MUSK: variants seen among roughly 807,000 people sequenced by gnomAD.
MUSK encodes the protein muscle, skeletal receptor tyrosine-protein kinase.
A neutral mutation model predicts 88.7 loss-of-function variants in MUSK; 55 were observed. The observed-to-expected ratio is 0.62, with a 90% CI of 0.50 to 0.78. The LOEUF (loss-of-function observed/expected upper bound fraction) is 0.78, where lower values mean the gene tolerates loss of function less well. Ranked by LOEUF, MUSK falls within the 30% of genes least tolerant of loss-of-function variation. The pLI is 0.00. For missense variants in MUSK, 1,015 were observed against 1,074.3 expected, an observed-to-expected ratio of 0.94 and a Z score of 0.77; for synonymous variants, 387 against 391.9, an observed-to-expected ratio of 0.99 and a Z score of 0.15.
At chr9:110,702,999 A>T (rs2076551761) in intron 5 of MUSK, among the ~76,000 whole-genome samples, 1 of 152,194 alleles carries the variant, frequency 6.6e-6, no homozygotes, top group Admixed American at 6.6e-5. Context: ...AAAATTTAAC[A>T]AGAAAAAAAA....
intron 5 of MUSK, among the ~76,000 whole-genome samples, chr9:110,702,598 T>C (rs1334654234): frequency 6.6e-6 from 1 of 152,096 alleles, no homozygotes; most frequent in Admixed American, 6.6e-5. Context: ...AATTCTCAGC[T>C]GGAAAAATGA....
intron 11 of MUSK, among the ~76,000 whole-genome samples, chr9:110,784,545 A>G (rs1045321945): frequency 4.0e-5 from 6 of 151,514 alleles, no homozygotes; most frequent in Admixed American, 3.9e-4. Context: ...AATATGATTC[A>G]GTATAAATGG....
intron 5 of MUSK, among the ~76,000 whole-genome samples, chr9:110,732,273 C>G (rs2076975438): frequency 1.3e-5 from 2 of 151,992 alleles, no homozygotes; most frequent in African/African-American, 4.8e-5. Context: ...GAAACACAAG[C>G]ATAGCCCCAA....
intron 3 of MUSK, among the ~76,000 whole-genome samples, chr9:110,689,872 A>AT (rs1342188684): frequency 2.3e-4 from 20 of 88,528 alleles, no homozygotes; most frequent in African/African-American, 9.6e-4. Context: ...ATTTAAATAT[A>AT]AATATATATT....
At position 110,801,025 on chromosome 9, in the gene MUSK, C is replaced by T. The variant is rs772203850; in HGVS notation, c.*37C>T. 1 of 1,470,840 alleles carries T rather than the reference C, an allele frequency of 6.8e-7. No homozygotes were observed. Among genetic ancestry groups the T allele is most frequent in the Non-Finnish European group, 9.0e-7 (1 of 1,114,604 alleles). The allele number at this position is 1,470,840 out of a possible 1,614,324, so 91.1% of individuals were successfully genotyped here. ...TTCAAATAAAATGCTGCAGTTTCCT[C>T]TCAGACTCTGTGAGCCAGGGGAATC... On this transcript the variant is annotated 3_prime_UTR_variant, in exon 15 of 15. Coordinates refer to ENST00000374448, the MANE Select transcript of MUSK (RefSeq NM_005592.4).
At chr9:110,776,966 AT>A (rs1230256549) in intron 11 of MUSK, among the ~76,000 whole-genome samples, 1 of 152,090 alleles carries the variant, frequency 6.6e-6, no homozygotes, top group Non-Finnish European at 1.5e-5. Context: ...TCACCTTTTG[AT>A]TTTATATTCT....
chr9:110,729,842 T>C (rs1016799386), intron 5 of MUSK, among the ~76,000 whole-genome samples: 10 of 152,030 alleles, frequency 6.6e-5, no homozygotes, highest in African/African-American at 2.4e-4. Context: ...AGGTAGTTCA[T>C]CTCCAGCCAA....
rs1345419024 is a variant in MUSK at position 110,803,243 on chromosome 9, A to G, written c.*2255A>G. 6.6e-6 allele frequency among the ~76,000 whole-genome samples: 1 copy of G among 152,228 alleles called. No homozygotes were observed. The highest frequency in any genetic ancestry group is 2.4e-5 in the African/African-American group (1 of 41,464). On this transcript the variant is annotated 3_prime_UTR_variant, in exon 15 of 15. Transcript: ENST00000374448. ...TGTGTATTCTGAGGCCTTTAAATATATGAACTTAAACCTCACAACATCCCT... is the reference window on the plus strand; with the variant it reads ...TGTGTATTCTGAGGCCTTTAAATATGTGAACTTAAACCTCACAACATCCCT...
chr9:110,708,413 A>C (rs2076628890), intron 5 of MUSK, among the ~76,000 whole-genome samples: 1 of 152,148 alleles, frequency 6.6e-6, no homozygotes, highest in African/African-American at 2.4e-5. Flanking sequence ...TAAAATTTGC[A>C]GTGGTCCTGT....
At chr9:110,750,721 C>A (rs2077237320) in intron 7 of MUSK, among the ~76,000 whole-genome samples, 1 of 152,132 alleles carries the variant, frequency 6.6e-6, no homozygotes, top group Non-Finnish European at 1.5e-5. Flanking sequence ...GTCTGCCCAA[C>A]CTTGTCATGC....
At chr9:110,728,746 T>C in intron 5 of MUSK, 2 of 1,552,762 alleles carry the variant, frequency 1.3e-6, no homozygotes, top group South Asian at 2.4e-5. Flanking sequence ...GCATGGCTTC[T>C]TTTTAATTGT....
chr9:110,775,513 A>G, intron 9 of MUSK: 1 of 414,042 alleles, frequency 2.4e-6, no homozygotes. Context: ...AGAGATTCCC[A>G]ATCTAATACG....
At chr9:110,780,621 T>C (rs1272231631) in intron 11 of MUSK, among the ~76,000 whole-genome samples, 3 of 152,344 alleles carry the variant, frequency 2.0e-5, no homozygotes, top group South Asian at 4.1e-4. Context: ...GTGTATTAAC[T>C]GGGTATGGAA....
At position 110,776,619 on chromosome 9, in the gene MUSK, C is replaced by A. The variant is rs1465717440; in HGVS notation, c.1361-13C>A. ...TGCTCACTTAAAACAAATTTTTATC[C>A]TTTCCCCTTCAGATTATAACAAAGA... On this transcript the variant is annotated splice_polypyrimidine_tract_variant and intron_variant, in intron 10 of 14. Coordinates refer to ENST00000374448, the MANE Select transcript of MUSK (RefSeq NM_005592.4). 5.6e-6 allele frequency: 9 copies of A among 1,596,020 alleles called. No homozygotes were observed. Among genetic ancestry groups the A allele is most frequent in the Admixed American group, 3.4e-5 (2 of 59,578 alleles).
chr9:110,798,957 A>AT (rs1429207796), intron 14 of MUSK, among the ~76,000 whole-genome samples: 8 of 152,020 alleles, frequency 5.3e-5, no homozygotes, highest in Non-Finnish European at 1.0e-4. Context: ...ATATTTTGTC[A>AT]TTTTTTTCCA....
chr9:110,733,189 A>G (rs1587969138), intron 5 of MUSK, among the ~76,000 whole-genome samples: 1 of 152,282 alleles, frequency 6.6e-6, no homozygotes, highest in East Asian at 1.9e-4. Context: ...TACTTACAGT[A>G]TAATAGGCCA....
At chr9:110,708,323 G>T (rs2076627651) in intron 5 of MUSK, among the ~76,000 whole-genome samples, 1 of 152,108 alleles carries the variant, frequency 6.6e-6, no homozygotes, top group Admixed American at 6.6e-5. Flanking sequence ...TTATGCTGCA[G>T]CTCTTAATAT....
At chr9:110,703,521 C>T (rs2076557568) in intron 5 of MUSK, among the ~76,000 whole-genome samples, 1 of 151,108 alleles carries the variant, frequency 6.6e-6, no homozygotes, top group Non-Finnish European at 1.5e-5. Context: ...CAGAGTGAGA[C>T]TTTGTCTAAA....
intron 1 of MUSK, among the ~76,000 whole-genome samples, chr9:110,676,748 C>T (rs3010819): frequency 0.5 from 76,257 of 151,810 alleles, 19,612 homozygotes; most frequent in African/African-American, 0.58. Context: ...TTTATGGCTG[C>T]ATAGTATTCC....
Sources: allele counts gnomAD v4.1 joint callset (sites outside exome capture counted in the v4.1 genomes callset), GRCh38; gene constraint gnomAD v4.1.1; transcripts MANE v1.5; gene names NCBI Gene and HGNC (gene_info 2026-07-23, HGNC 2026-07-21).